The following KCNH1 variants were observed in gnomAD, a reference collection of about 807,000 sequenced individuals.
KCNH1 encodes the protein potassium voltage-gated channel subfamily H member 1.
KCNH1 carries 27 observed loss-of-function variants against 69.2 expected under a neutral mutation model. The ratio of observed to expected loss-of-function variants is 0.39; its 90% CI spans 0.29 to 0.54. KCNH1 has a LOEUF of 0.54. Ranked by LOEUF, KCNH1 falls within the 20% of genes least tolerant of loss-of-function variation. KCNH1 has a pLI of 0.68. For missense variants in KCNH1, 798 were observed against 1,261.6 expected, an observed-to-expected ratio of 0.63 and a Z score of 5.57; for synonymous variants, 456 against 487.7, an observed-to-expected ratio of 0.93 and a Z score of 0.86.
intron 7 of KCNH1, among the ~76,000 whole-genome samples, chr1:210,843,245 C>A (rs182296027): frequency 1.8e-4 from 27 of 152,220 alleles, no homozygotes; most frequent in African/African-American, 4.6e-4. Flanking sequence ...ATGGGAGTGG[C>A]GCTTCTAGAC....
Position 211,018,895 on chromosome 1 carries a change from T to C in KCNH1, c.920A>G (p.Asp307Gly). 6.2e-7 allele frequency: 1 copy of C among 1,614,034 alleles called. No homozygotes were observed. The highest frequency in any genetic ancestry group is 8.5e-7 in the Non-Finnish European group (1 of 1,179,972). Residue 307 changes from aspartate (D) to glycine (G), a missense_variant, in exon 6 of 11, where the codon GAT (aspartate) becomes GGT (glycine). Physicochemically the swap from Asp to Gly is moderately conservative, Grantham distance 94. Coordinates refer to ENST00000271751, the MANE Select transcript of KCNH1 (RefSeq NM_172362.3). ...VIDLLSCLPY[D>G]VINAFENVDE... ...CACGTTCTCAAAAGCGTTGATGACA[T>C]CATATGGCAAACAGGACAGAAGGTC...
chr1:210,811,577 T>C (rs1368493997), intron 7 of KCNH1, among the ~76,000 whole-genome samples: 1 of 152,188 alleles, frequency 6.6e-6, no homozygotes, highest in Non-Finnish European at 1.5e-5. Flanking sequence ...CTGTTGCTTT[T>C]GTGGGGTTAC....
intron 7 of KCNH1, among the ~76,000 whole-genome samples, chr1:210,864,327 A>T (rs549443409): frequency 2.0e-5 from 3 of 152,318 alleles, no homozygotes; most frequent in South Asian, 2.1e-4. Flanking sequence ...AGACTAAGGC[A>T]TTGCAGGACT....
chr1:210,784,772 T>C (rs1231306864), intron 9 of KCNH1, among the ~76,000 whole-genome samples: 1 of 152,180 alleles, frequency 6.6e-6, no homozygotes, highest in African/African-American at 2.4e-5. Context: ...ACCATCTCTA[T>C]ATTAGAGATG....
At chr1:210,983,700 T>C (rs923493467) in intron 6 of KCNH1, among the ~76,000 whole-genome samples, 3 of 152,210 alleles carry the variant, frequency 2.0e-5, no homozygotes, top group East Asian at 1.9e-4. Context: ...TGAAGTCAGG[T>C]AGCGTGATGT....
intron 7 of KCNH1, among the ~76,000 whole-genome samples, chr1:210,851,500 C>T (rs1685701967): frequency 6.6e-6 from 1 of 152,242 alleles, no homozygotes; most frequent in South Asian, 2.1e-4. Flanking sequence ...CACATTACCT[C>T]TCTGACCTTT....
At chr1:210,812,400 T>G (rs187337736) in intron 7 of KCNH1, among the ~76,000 whole-genome samples, 2 of 152,284 alleles carry the variant, frequency 1.3e-5, no homozygotes, top group African/African-American at 2.4e-5. Context: ...CAGGCAAAAC[T>G]GAGAAAGCAG....
intron 10 of KCNH1, among the ~76,000 whole-genome samples, chr1:210,749,941 T>C (rs4951564): frequency 0.84 from 127,382 of 152,008 alleles, 53,444 homozygotes; most frequent in East Asian, 0.88. Flanking sequence ...TGGGGTTTCA[T>C]CATGCTGGCC....
chr1:210,995,337 A>G (rs1689009672), intron 6 of KCNH1, among the ~76,000 whole-genome samples: 2 of 152,218 alleles, frequency 1.3e-5, no homozygotes, highest in South Asian at 2.1e-4. Context: ...GAATGAGAGA[A>G]TCACAGAAAT....
chr1:210,763,870 T>A (rs1212351341), intron 10 of KCNH1, among the ~76,000 whole-genome samples: 3 of 152,058 alleles, frequency 2.0e-5, no homozygotes, highest in East Asian at 3.9e-4. Context: ...AAAAAACTAT[T>A]CTAAAATTCA....
At chr1:210,753,091 A>G (rs11805814) in intron 10 of KCNH1, among the ~76,000 whole-genome samples, 2,097 of 152,186 alleles carry the variant, frequency 0.014, 49 homozygotes, top group African/African-American at 0.047. Flanking sequence ...CCCTACCAAC[A>G]CCTTGATTTC....
intron 6 of KCNH1, among the ~76,000 whole-genome samples, chr1:210,973,454 G>A (rs1688549395): frequency 6.6e-6 from 1 of 152,014 alleles, no homozygotes; most frequent in African/African-American, 2.4e-5. Context: ...TTTCAAACAT[G>A]ATTCCCATCC....
At chr1:210,824,518 T>C (rs951911559) in intron 7 of KCNH1, among the ~76,000 whole-genome samples, 2 of 152,162 alleles carry the variant, frequency 1.3e-5, no homozygotes, top group African/African-American at 4.8e-5. Flanking sequence ...TGCTTTACAT[T>C]GCCAAATCTT....
At chr1:210,904,921 G>C (rs1053590703) in intron 7 of KCNH1, among the ~76,000 whole-genome samples, 25 of 152,134 alleles carry the variant, frequency 1.6e-4, no homozygotes, top group African/African-American at 6.0e-4. Flanking sequence ...AAGCCACATA[G>C]AGAGTGAGTA....
intron 10 of KCNH1, among the ~76,000 whole-genome samples, chr1:210,713,335 T>C (rs752489904): frequency 6.6e-5 from 10 of 152,066 alleles, no homozygotes; most frequent in Non-Finnish European, 1.2e-4. Flanking sequence ...AGATTGGGAG[T>C]ACCTAGCCCT....
chr1:210,742,843 C>CTGTG (rs368616089), intron 10 of KCNH1, among the ~76,000 whole-genome samples: 1 of 151,658 alleles, frequency 6.6e-6, no homozygotes, highest in African/African-American at 2.4e-5. Flanking sequence ...TGGTGTGTGT[C>CTGTG]TGTGTGTGTG....
intron 1 of KCNH1, among the ~76,000 whole-genome samples, chr1:211,128,699 A>G (rs958445226): frequency 2.0e-5 from 3 of 152,216 alleles, no homozygotes; most frequent in African/African-American, 7.2e-5. Context: ...GTACTGAACA[A>G]TTAAAAAGGT....
intron 6 of KCNH1, among the ~76,000 whole-genome samples, chr1:210,980,847 A>T (rs1030461457): frequency 1.3e-5 from 2 of 151,094 alleles, no homozygotes; most frequent in African/African-American, 4.9e-5. Flanking sequence ...GTGTGTGTGC[A>T]TTTATATACA....
chr1:210,949,096 T>G (rs1688016484), intron 6 of KCNH1, among the ~76,000 whole-genome samples: 1 of 152,116 alleles, frequency 6.6e-6, no homozygotes, highest in South Asian at 2.1e-4. Flanking sequence ...AATGAACAAT[T>G]TTTTTATTAT....
Sources: allele counts gnomAD v4.1 joint callset (sites outside exome capture counted in the v4.1 genomes callset), GRCh38; gene constraint gnomAD v4.1.1; transcripts MANE v1.5; gene names NCBI Gene and HGNC (gene_info 2026-07-23, HGNC 2026-07-21).